Variants in HLA-DRB1 observed in about 807,000 individuals in gnomAD.
HLA-DRB1 encodes the protein major histocompatibility complex, class II, DR beta 1 precursor.
A neutral mutation model predicts 27.9 loss-of-function variants in HLA-DRB1; 10 were observed. That is an observed-to-expected ratio of 0.36 (90% CI 0.22 to 0.61). HLA-DRB1 has a LOEUF of 0.61. Ranked by LOEUF, HLA-DRB1 falls within the 20% of genes least tolerant of loss-of-function variation. HLA-DRB1 has a pLI of 0.73. For missense variants in HLA-DRB1, 118 were observed against 306.3 expected (o/e 0.39, Z 4.59); for synonymous variants, 57 against 126.7 (o/e 0.45, Z 3.69).
intron 1 of HLA-DRB1, among the ~76,000 whole-genome samples, chr6:32,586,150 A>G (rs11755716): frequency 7.4e-5 from 9 of 122,202 alleles, no homozygotes; most frequent in African/African-American, 2.6e-4. Flanking sequence ...CCTCGCTAAT[A>G]ATGACTGAGC....
chr6:32,584,829 G>A (rs1776167122), intron 1 of HLA-DRB1, among the ~76,000 whole-genome samples: 1 of 115,054 alleles, frequency 8.7e-6, no homozygotes, highest in African/African-American at 3.8e-5. Flanking sequence ...GCTGCCTCTA[G>A]GAATCCAAAC....
rs201833598 is a variant in HLA-DRB1 at position 32,586,542 on chromosome 6, C to A, written c.101-2164G>T. On this transcript the variant is annotated intron_variant, in intron 1 of 5. Coordinates refer to ENST00000360004, the Ensembl canonical transcript of HLA-DRB1. The stretch of plus-strand genomic sequence containing the variant: ...GCATCCTTGGGCTCTTTCTCAGCCC[C>A]CTTTGCTGGCCTGTGCCCTGTTCTT... 7.9e-3 allele frequency among the ~76,000 whole-genome samples: 501 copies of A among 63,390 alleles called. 4 individuals are homozygous for A. The highest frequency in any genetic ancestry group is 0.01 in the East Asian group (24 of 2,290). 41.6% of individuals were successfully genotyped at this position (63,390 alleles called of 152,430 possible).
intron 1 of HLA-DRB1, among the ~76,000 whole-genome samples, chr6:32,588,774 G>T (rs36071319): frequency 1.2e-4 from 8 of 65,442 alleles, no homozygotes; most frequent in Admixed American, 1.8e-4. Flanking sequence ...TCTGATAGTT[G>T]ATTATTTTTG....
chr6:32,579,315 A>T (rs34536192), intron 5 of HLA-DRB1, among the ~76,000 whole-genome samples: 4 of 84,610 alleles, frequency 4.7e-5, no homozygotes, highest in African/African-American at 1.8e-4. Context: ...TTGGATCCAA[A>T]GTCTTTCCTA....
At chr6:32,587,977 A>G (rs9270176) in intron 1 of HLA-DRB1, among the ~76,000 whole-genome samples, 74,141 of 131,082 alleles carry the variant, frequency 0.57, 18,427 homozygotes, top group Middle Eastern at 0.71. Flanking sequence ...TGATCACTGT[A>G]GGGATCCTGG....
chr6:32,582,235 C>CCT (rs1775646132), intron 2 of HLA-DRB1, among the ~76,000 whole-genome samples: 5 of 137,068 alleles, frequency 3.6e-5, no homozygotes, highest in African/African-American at 1.4e-4. Flanking sequence ...TTGTCACCTA[C>CCT]AATGAAGGAT....
chr6:32,585,125 T>TTTG (rs1776205559), intron 1 of HLA-DRB1, among the ~76,000 whole-genome samples: 1 of 69,950 alleles, frequency 1.4e-5, no homozygotes, highest in African/African-American at 5.8e-5. Flanking sequence ...CTTCCTTGTG[T>TTTG]TCTTGAACAC....
Position 32,584,142 on chromosome 6 carries a change from C to T in HLA-DRB1, c.337G>A (p.Gly113Arg), listed in dbSNP as rs17879213. The T allele has an allele frequency of 6.2e-6, 9 of 1,458,684 alleles. 1 individual carries two copies. In the South Asian group the frequency reaches 9.2e-5, roughly 15 times the overall value. The allele number at this position is 1,458,684 out of a possible 1,614,324, so 90.4% of individuals were successfully genotyped here. The stretch of plus-strand genomic sequence containing the variant: ...TGCACTGTGAAGCTCTCCACAACCC[C>T]GTAGTTGTGTCTGCAGTAGGTGTCC... Residue 113 changes from glycine (G) to arginine (R), a missense_variant, in exon 2 of 6, where the codon GGG becomes AGG. Physicochemically the swap from Gly to Arg is moderately radical, Grantham distance 125. Around this residue, in one of 5 missense-constraint regions of HLA-DRB1, gnomAD observed 22 missense variants for 21.0 expected, o/e 1.05. Transcript: ENST00000360004.
rs35816412 is a variant in HLA-DRB1 at position 32,581,092 on chromosome 6, C to G, written c.653-236G>C. Among the ~76,000 whole-genome samples, 297 of 83,120 alleles carry G rather than the reference C, an allele frequency of 3.6e-3. 2 individuals carry two copies. Among genetic ancestry groups the G allele is most frequent in the Middle Eastern group, 0.01 (2 of 194 alleles). The allele number at this position is 83,120 out of a possible 152,430, so 54.5% of individuals were successfully genotyped here. A position where few individuals can be genotyped will look rare whatever the true frequency, so the allele number is the denominator to read the frequency against. On this transcript the variant is annotated intron_variant, in intron 3 of 5. Coordinates refer to ENST00000360004, the Ensembl canonical transcript of HLA-DRB1. ...GTAAGGCACAAGTTCAACATCTGAT[C>G]CACAGAAAGCCTGAGACTCAATGAG...
At chr6:32,588,098 T>C (rs28724167) in intron 1 of HLA-DRB1, among the ~76,000 whole-genome samples, 1 of 140,380 alleles carries the variant, frequency 7.1e-6, no homozygotes, top group African/African-American at 2.6e-5. Context: ...CTCCTTCTAG[T>C]TGGAAGAAGA....
chr6:32,587,428 A>AT (rs373458346), intron 1 of HLA-DRB1, among the ~76,000 whole-genome samples: 1 of 33,182 alleles, frequency 3.0e-5, no homozygotes, highest in African/African-American at 1.4e-4. Flanking sequence ...ATAAAATTTA[A>AT]TTTTTTTTTA....
At chr6:32,585,745 T>C (rs1399341200) in intron 1 of HLA-DRB1, among the ~76,000 whole-genome samples, 8 of 123,188 alleles carry the variant, frequency 6.5e-5, no homozygotes, top group African/African-American at 1.3e-4. Flanking sequence ...TCTGCTGACA[T>C]AGAAGAAACG....
chr6:32,583,018 C>T (rs1205676712), intron 2 of HLA-DRB1, among the ~76,000 whole-genome samples: 1 of 104,548 alleles, frequency 9.6e-6, no homozygotes, highest in East Asian at 3.3e-4. Flanking sequence ...TTTTCAAAAT[C>T]CACATACAAA....
At chr6:32,583,103 G>A (rs1332529002) in intron 2 of HLA-DRB1, among the ~76,000 whole-genome samples, 14 of 89,562 alleles carry the variant, frequency 1.6e-4, no homozygotes, top group East Asian at 7.0e-4. Flanking sequence ...AACGCAGAAA[G>A]TCACTGAGAA....
At chr6:32,584,594 C>T (rs116085021) in intron 1 of HLA-DRB1, among the ~76,000 whole-genome samples, 28,858 of 121,146 alleles carry the variant, frequency 0.24, 2,841 homozygotes, top group East Asian at 0.3. Flanking sequence ...CTTCTCATCC[C>T]CAGGCTTTTG....
chr6:32,588,120 A>G (rs28724168), intron 1 of HLA-DRB1, among the ~76,000 whole-genome samples: 6,897 of 134,192 alleles, frequency 0.051, no homozygotes, highest in Admixed American at 0.092. Context: ...TTCACAGATA[A>G]AGAAACAGTG....
intron 1 of HLA-DRB1, among the ~76,000 whole-genome samples, chr6:32,584,688 C>G (rs796516603): frequency 0.28 from 30,266 of 109,738 alleles, 1,761 homozygotes; most frequent in Admixed American, 0.33. Flanking sequence ...CAGCCCGCGC[C>G]GCCTCCTCCT....
At chr6:32,582,264 C>T (rs1775650403) in intron 2 of HLA-DRB1, among the ~76,000 whole-genome samples, 1 of 140,856 alleles carries the variant, frequency 7.1e-6, no homozygotes, top group South Asian at 2.3e-4. Context: ...TAATTTACCT[C>T]TTGGGGTTAT....
chr6:32,588,885 A>C (rs35305772), intron 1 of HLA-DRB1, among the ~76,000 whole-genome samples: 24,695 of 89,966 alleles, frequency 0.27, 3,587 homozygotes, highest in East Asian at 0.4. Context: ...AAGTACAGAA[A>C]GGTTAAAAAA....
Sources: allele counts gnomAD v4.1 joint callset (sites outside exome capture counted in the v4.1 genomes callset), GRCh38; gene constraint gnomAD v4.1.1; regional missense constraint gnomAD v4.1.1; transcripts MANE v1.5; gene names NCBI Gene and HGNC (gene_info 2026-07-23, HGNC 2026-07-21).